Variants in LINS1 observed in about 807,000 individuals in gnomAD.
LINS1 encodes protein Lines homolog 1.
LINS1 carries 27 observed loss-of-function variants against 41.6 expected under a neutral mutation model. That is an observed-to-expected ratio of 0.65 (90% CI 0.48 to 0.89). The LOEUF (loss-of-function observed/expected upper bound fraction) is 0.89, where lower values mean the gene tolerates loss of function less well. LINS1 is among the 40% of genes least tolerant of loss of function. The probability of loss-of-function intolerance (pLI) is 0.00; values close to 1 mark genes in which losing one functional copy is unlikely to be tolerated. For synonymous variants in LINS1, 336 were observed against 312.9 expected (o/e 1.07, Z -0.78); for missense variants, 955 against 884.1 (o/e 1.08, Z -1.02).
At chr15:100,598,577 A>T (rs2039344910) in intron 1 of LINS1, among the ~76,000 whole-genome samples, 1 of 152,204 alleles carries the variant, frequency 6.6e-6, no homozygotes, top group Non-Finnish European at 1.5e-5. Context: ...AGAAGACCAA[A>T]ATCCCTTAAA....
Position 100,573,639 on chromosome 15 carries a change from T to C in LINS1, c.1222+12A>G, listed in dbSNP as rs777105350. The C allele has an allele frequency of 1.3e-6, 2 of 1,490,000 alleles. No homozygotes were observed. The highest frequency in any genetic ancestry group is 1.4e-5 in the African/African-American group (1 of 72,262). The allele number at this position is 1,490,000 out of a possible 1,614,324, so 92.3% of individuals were successfully genotyped here. A position where few individuals can be genotyped will look rare whatever the true frequency, so the allele number is the denominator to read the frequency against. On this transcript the variant is annotated intron_variant, in intron 5 of 6. Transcript: ENST00000314742. ...ATTACACACTGCATACAAAAGGAGT[T>C]TGGAGAATTACCTTTCACTTCACTT...
At chr15:100,593,476 C>T (rs570057491) in intron 1 of LINS1, among the ~76,000 whole-genome samples, 1 of 148,048 alleles carries the variant, frequency 6.8e-6, no homozygotes, top group Non-Finnish European at 1.5e-5. Flanking sequence ...CATAAAATTG[C>T]TGTGTTAGGA....
Position 100,569,116 on chromosome 15 carries a change from C to G in LINS1, c.*122G>C. ...CCGGCCTGAGCGACAGAATGAGATT[C>G]TGTCTCAAAAAAAAAAAAAAAAAAG... is the stretch of plus-strand genomic sequence containing the variant. On this transcript the variant is annotated 3_prime_UTR_variant, in exon 7 of 7. Transcript: ENST00000314742. The G allele has an allele frequency of 1.7e-6, 1 of 578,914 alleles. No homozygotes were observed. Among genetic ancestry groups the G allele is most frequent in the Non-Finnish European group, 2.7e-6 (1 of 365,360 alleles). The allele number at this position is 578,914 out of a possible 1,614,324, so 35.9% of individuals were successfully genotyped here. A position where few individuals can be genotyped will look rare whatever the true frequency, so the allele number is the denominator to read the frequency against.
chr15:100,568,985 G>A lies in LINS1; in HGVS notation c.*253C>T, dbSNP rs1596867770. On this transcript the variant is annotated 3_prime_UTR_variant, in exon 7 of 7. Transcript: ENST00000314742. ...CTAAAAATACAAAAATTAGCTGGGC[G>A]TGGTGGCGGGCACCTGTAATTCCAG... The A allele has an allele frequency of 2.4e-5, 8 of 332,788 alleles. No homozygotes were observed. Among genetic ancestry groups the A allele is most frequent in the Non-Finnish European group, 4.5e-5 (8 of 179,028 alleles). The allele number at this position is 332,788 out of a possible 1,614,324, so 20.6% of individuals were successfully genotyped here.
At chr15:100,597,945 G>A (rs1162952095) in intron 1 of LINS1, among the ~76,000 whole-genome samples, 1 of 152,226 alleles carries the variant, frequency 6.6e-6, no homozygotes, top group Admixed American at 6.5e-5. Context: ...GAAAACACCT[G>A]TATAACTCAA....
rs2037640939 is a variant in LINS1 at position 100,568,704 on chromosome 15, C to T, written c.*534G>A. On this transcript the variant is annotated 3_prime_UTR_variant, in exon 7 of 7. Transcript: ENST00000314742. Reference sequence around the variant, plus strand: ...TAGCTGAGGAACGCAATCACCACCCCCGATTTTGTGTCACTTAGAACTGCC... The same window carrying T: ...TAGCTGAGGAACGCAATCACCACCCTCGATTTTGTGTCACTTAGAACTGCC... 1.3e-5 allele frequency: 2 copies of T among 153,172 alleles called. No homozygotes were observed. The highest frequency in any genetic ancestry group is 1.3e-4 in the Admixed American group (2 of 15,410). The allele number at this position is 153,172 out of a possible 1,614,324, so 9.5% of individuals were successfully genotyped here. A position where few individuals can be genotyped will look rare whatever the true frequency, so the allele number is the denominator to read the frequency against.
intron 4 of LINS1, 142 bp downstream of exon 4, chr15:100,574,845 A>T: frequency 1.1e-6 from 1 of 875,312 alleles, no homozygotes; most frequent in East Asian, 2.5e-5. Flanking sequence ...GGTTATCCTC[A>T]ATCAAAATAT....
rs774527946 is a variant in LINS1, at chr15:100,569,785, C to T, written c.1727G>A (p.Arg576His). 28 of 1,613,822 alleles carry T rather than the reference C, an allele frequency of 1.7e-5. No homozygotes were observed. The highest frequency in any genetic ancestry group is 6.7e-5 in the East Asian group (3 of 44,894). Reference protein sequence around the residue: ...DQSSNQTIPHRLTAPHSHRDV... With the variant: ...DQSSNQTIPHHLTAPHSHRDV... Reference sequence around the variant, plus strand: ...TCTGTGACTATGAGGAGCAGTCAAACGATGGGGTATTGTTTGGTTGGAGCT... The same window carrying T: ...TCTGTGACTATGAGGAGCAGTCAAATGATGGGGTATTGTTTGGTTGGAGCT... The change falls in exon 7 of 7, where the codon CGT becomes CAT. Residue 576 changes from arginine to histidine, a missense_variant. By Grantham distance (29) the Arg-to-His change is conservative. Coordinates refer to ENST00000314742, the MANE Select transcript of LINS1 (RefSeq NM_001040616.3).
At chr15:100,600,322 CCTT>C (rs2039422915) in intron 1 of LINS1, among the ~76,000 whole-genome samples, 1 of 152,038 alleles carries the variant, frequency 6.6e-6, no homozygotes, top group Non-Finnish European at 1.5e-5. Context: ...AATCAGGCCT[CCTT>C]GACTCCTTGC....
intron 5 of LINS1, chr15:100,572,683 C>T (rs1276925220): frequency 6.1e-6 from 6 of 986,208 alleles, no homozygotes; most frequent in Non-Finnish European, 7.2e-6. Flanking sequence ...GATGTCATTG[C>T]TCACAATTCA....
At chr15:100,592,940 TTGTA>T (rs1300083614) in intron 1 of LINS1, among the ~76,000 whole-genome samples, 2 of 152,236 alleles carry the variant, frequency 1.3e-5, no homozygotes, top group African/African-American at 4.8e-5. Flanking sequence ...AAACTGTAGT[TTGTA>T]TGTGTTTTTT....
intron 4 of LINS1, 139 bp from the exon 5 acceptor site, chr15:100,574,380 G>T (rs772119141): frequency 1.0e-4 from 70 of 667,312 alleles, no homozygotes; most frequent in African/African-American, 1.6e-4. Flanking sequence ...AACAAATGAG[G>T]TTACACAGAT....
rs60243051 is a variant in LINS1, at chr15:100,574,410, T to C, written c.632-169A>G. Among the ~76,000 whole-genome samples the C allele has an allele frequency of 3.1e-3, 466 of 152,370 alleles. 3 individuals are homozygous for C. The highest frequency in any genetic ancestry group is 0.011 in the African/African-American group (451 of 41,586). ...ACAGATTAATGGGTAAGAACCACGG[T>C]TAAAATTCATTTTATGGCTGGGTGT... On this transcript the variant is annotated intron_variant, in intron 4 of 6. Transcript: ENST00000314742.
chr15:100,582,751 A>C (rs1225793433), intron 1 of LINS1, among the ~76,000 whole-genome samples: 645 of 70,386 alleles, frequency 9.2e-3, no homozygotes, highest in Admixed American at 0.011. Flanking sequence ...TCCATCTACA[A>C]CATGGCCCAC....
Position 100,573,886 on chromosome 15 carries a change from A to G in LINS1, c.987T>C (p.His329=), listed in dbSNP as rs192389870. ...SVPALMPPDH[H]VAVDMLALAN... is the part of the protein sequence containing the mutation. Reference sequence around the variant, plus strand: ...CTAAAGCCAGCATGTCCACCGCTACATGATGGTCTGGCGGCATTAAGGCAG... The same window carrying G: ...CTAAAGCCAGCATGTCCACCGCTACGTGATGGTCTGGCGGCATTAAGGCAG... The change falls in exon 5 of 7, where the codon CAT becomes CAC. Residue 329 remains histidine, a synonymous_variant. Transcript: ENST00000314742. 3.3e-5 allele frequency: 54 copies of G among 1,614,248 alleles called. No individual in the cohort carries two copies. In the Admixed American group the frequency reaches 6.5e-4, roughly 19 times the overall value.
At chr15:100,592,992 A>G (rs947694542) in intron 1 of LINS1, among the ~76,000 whole-genome samples, 2 of 152,278 alleles carry the variant, frequency 1.3e-5, no homozygotes, top group African/African-American at 4.8e-5. Context: ...ACAAATCCTT[A>G]AGAAAACAAA....
At chr15:100,590,322 C>A (rs188631883) in intron 1 of LINS1, among the ~76,000 whole-genome samples, 22 of 152,304 alleles carry the variant, frequency 1.4e-4, no homozygotes, top group Admixed American at 1.3e-3. Context: ...ATATGAATAA[C>A]CTTATACTTT....
chr15:100,572,583 G>T, intron 5 of LINS1: 1 of 995,532 alleles, frequency 1.0e-6, no homozygotes, highest in Non-Finnish European at 1.2e-6. Flanking sequence ...TTATATAACA[G>T]GTGCCATCTA....
At chr15:100,582,253 T>G (rs115828531) in intron 1 of LINS1, among the ~76,000 whole-genome samples, 1,526 of 146,740 alleles carry the variant, frequency 0.01, 78 homozygotes, top group African/African-American at 0.037. Flanking sequence ...CTGTCTACAC[T>G]ATGGCCCACC....
Sources: gnomAD v4.1 joint callset for allele counts (sites outside exome capture counted in the v4.1 genomes callset) on GRCh38, gnomAD v4.1.1 for gene constraint, MANE v1.5 for transcripts, NCBI Gene and HGNC (gene_info 2026-07-23, HGNC 2026-07-21) for gene names.